Variants in GALNT13 observed in about 807,000 individuals in gnomAD.
GALNT13 encodes the protein polypeptide N-acetylgalactosaminyltransferase 13.
GALNT13 carries 28 observed loss-of-function variants against 64.2 expected under a neutral mutation model. That is an observed-to-expected ratio of 0.44 (90% confidence interval 0.32 to 0.60). GALNT13 has a LOEUF of 0.60. Ranked by LOEUF, GALNT13 falls within the 20% of genes least tolerant of loss-of-function variation. The pLI is 0.05. For synonymous variants in GALNT13, 214 were observed against 224.6 expected, an observed-to-expected ratio of 0.95 and a Z score of 0.42; for missense variants, 577 against 669.8, an observed-to-expected ratio of 0.86 and a Z score of 1.53.
chr2:153,074,272 G>T, the GALNT13 span, among the ~76,000 whole-genome samples: 1 of 152,134 alleles, frequency 6.6e-6, no homozygotes, highest in Admixed American at 6.6e-5. Context: ...TGTACTCTGA[G>T]ATAAATACTT....
At chr2:154,170,979 G>GT (rs1477060613) in intron 4 of GALNT13, among the ~76,000 whole-genome samples, 1 of 152,130 alleles carries the variant, frequency 6.6e-6, no homozygotes, top group East Asian at 1.9e-4. Flanking sequence ...AGCAGTAGTT[G>GT]TTTTTGGGTA....
intron 3 of GALNT13, 22 bp from the exon 4 acceptor site, chr2:154,140,315 T>C: frequency 1.3e-6 from 2 of 1,590,508 alleles, no homozygotes; most frequent in Non-Finnish European, 1.7e-6. Flanking sequence ...TATGTATGTC[T>C]GTATCTCTGT....
chr2:154,234,957 C>T (rs1689115158), intron 4 of GALNT13, among the ~76,000 whole-genome samples: 1 of 152,020 alleles, frequency 6.6e-6, no homozygotes, highest in Non-Finnish European at 1.5e-5. Context: ...AGGTACAAGG[C>T]CAGGGAAGGG....
the GALNT13 span, among the ~76,000 whole-genome samples, chr2:153,718,172 C>T: frequency 6.6e-6 from 1 of 151,934 alleles, no homozygotes; most frequent in Admixed American, 6.6e-5. Context: ...ATCATTGTTA[C>T]TATTAGAACA....
Position 154,223,230 on chromosome 2 carries a change from A to C in GALNT13, c.312-18800A>C, listed in dbSNP as rs186855685. On this transcript the variant is annotated intron_variant, in intron 4 of 12. Coordinates refer to ENST00000392825, the MANE Select transcript of GALNT13 (RefSeq NM_052917.4). ...TTTATTTTTCAGCCCTTTTCATAGA[A>C]TACAGATGTGAAATTATTTAATAAT... Among the ~76,000 whole-genome samples, 282 of 152,196 alleles carry C rather than the reference A, an allele frequency of 1.9e-3. 3 individuals carry two copies. The highest frequency in any genetic ancestry group is 6.8e-4 in the Non-Finnish European group (46 of 67,998).
chr2:154,378,364 G>A (rs573151201), intron 9 of GALNT13, among the ~76,000 whole-genome samples: 4 of 152,236 alleles, frequency 2.6e-5, no homozygotes, highest in South Asian at 4.1e-4. Context: ...AAGGAAATAC[G>A]TAACTAATAT....
chr2:153,366,053 A>G, the GALNT13 span, among the ~76,000 whole-genome samples: 3 of 152,214 alleles, frequency 2.0e-5, no homozygotes, highest in Non-Finnish European at 4.4e-5. Context: ...ATGGAATACT[A>G]TGCAGCCATA....
Position 153,968,775 on chromosome 2 carries a change from A to G in GALNT13, c.142+24136A>G, listed in dbSNP as rs117517637. ...TTGAGAGAAACTTTCACTGCTTTAA[A>G]TATCCTTGTTTGTAATAGTTTAAAA... On this transcript the variant is annotated intron_variant, in intron 3 of 12. Transcript: ENST00000392825. Among the ~76,000 whole-genome samples the G allele has an allele frequency of 1.3e-3, 195 of 152,326 alleles. 5 individuals are homozygous for G. The East Asian group carries it at 0.036, about 28-fold the overall frequency.
At chr2:153,089,134 A>G in the GALNT13 span, among the ~76,000 whole-genome samples, 1 of 152,146 alleles carries the variant, frequency 6.6e-6, no homozygotes, top group Non-Finnish European at 1.5e-5. Context: ...CAGTATTTAC[A>G]ACTCCTTTGA....
chr2:153,539,130 C>T, the GALNT13 span, among the ~76,000 whole-genome samples: 16 of 145,862 alleles, frequency 1.1e-4, no homozygotes, highest in Non-Finnish European at 1.5e-5. Flanking sequence ...ATTTGCATTT[C>T]TCTGATGGCC....
chr2:154,202,612 A>T (rs1394398336), intron 4 of GALNT13, among the ~76,000 whole-genome samples: 1 of 152,130 alleles, frequency 6.6e-6, no homozygotes, highest in Non-Finnish European at 1.5e-5. Flanking sequence ...GCTAACACCA[A>T]GATCCAAGCT....
chr2:153,690,997 G>T, the GALNT13 span, among the ~76,000 whole-genome samples: 1 of 152,014 alleles, frequency 6.6e-6, no homozygotes, highest in Non-Finnish European at 1.5e-5. Context: ...TGAGAAAATG[G>T]GTAGACCAGA....
chr2:153,105,103 T>A, the GALNT13 span, among the ~76,000 whole-genome samples: 1 of 145,546 alleles, frequency 6.9e-6, no homozygotes, highest in Non-Finnish European at 1.5e-5. Flanking sequence ...TTCTCATTGT[T>A]CAATTCCTTT....
At chr2:154,050,253 A>G (rs950105549) in intron 3 of GALNT13, among the ~76,000 whole-genome samples, 8 of 152,296 alleles carry the variant, frequency 5.3e-5, no homozygotes, top group Middle Eastern at 6.8e-3. Context: ...TGTACCTTCT[A>G]ACATCATCAC....
At chr2:153,433,832 T>A in the GALNT13 span, among the ~76,000 whole-genome samples, 2 of 152,154 alleles carry the variant, frequency 1.3e-5, no homozygotes, top group Non-Finnish European at 2.9e-5. Flanking sequence ...TTTTTTTTAA[T>A]TTTATTATTA....
intron 11 of GALNT13, among the ~76,000 whole-genome samples, chr2:154,411,663 TTGTATC>T (rs1465667679): frequency 6.6e-6 from 1 of 151,770 alleles, no homozygotes; most frequent in Non-Finnish European, 1.5e-5. Flanking sequence ...GGAATATAGA[TTGTATC>T]TGGCGAGTGG....
At chr2:153,702,043 C>T in the GALNT13 span, among the ~76,000 whole-genome samples, 2 of 152,066 alleles carry the variant, frequency 1.3e-5, no homozygotes, top group Non-Finnish European at 2.9e-5. Context: ...ATGTTTATTG[C>T]AACACTATTC....
the GALNT13 span, among the ~76,000 whole-genome samples, chr2:153,416,993 G>A: frequency 6.6e-6 from 1 of 152,218 alleles, no homozygotes. Context: ...GACAAATAAA[G>A]TGGAGGAGAA....
the GALNT13 span, among the ~76,000 whole-genome samples, chr2:153,630,258 A>G: frequency 6.6e-6 from 1 of 151,998 alleles, no homozygotes; most frequent in African/African-American, 2.4e-5. Flanking sequence ...CAAATGTCCA[A>G]CAATGATAGA....
Sources: gnomAD v4.1 joint callset for allele counts (sites outside exome capture counted in the v4.1 genomes callset) on GRCh38, gnomAD v4.1.1 for gene constraint, MANE v1.5 for transcripts, NCBI Gene and HGNC (gene_info 2026-07-23, HGNC 2026-07-21) for gene names.